FAM13C: variants seen among roughly 807,000 people sequenced by gnomAD.
The protein encoded by FAM13C is protein FAM13C.
A neutral mutation model predicts 73.2 loss-of-function variants in FAM13C; 37 were observed. The observed-to-expected ratio is 0.51, with a 90% CI of 0.39 to 0.67. FAM13C has a LOEUF of 0.67. Among genes scored for constraint, FAM13C ranks in the 30% least tolerant of loss-of-function variants. The pLI is 0.00. For missense variants in FAM13C, 589 were observed against 715.6 expected (o/e 0.82, Z 2.02); for synonymous variants, 246 against 260.9 (o/e 0.94, Z 0.55).
At chr10:59,306,448 A>C (rs1848261921) in intron 4 of FAM13C, among the ~76,000 whole-genome samples, 1 of 152,206 alleles carries the variant, frequency 6.6e-6, no homozygotes, top group Non-Finnish European at 1.5e-5. Context: ...TGGAAACAAT[A>C]ATAGACAATC....
rs115329046 is a variant in FAM13C, at chr10:59,290,149, C to G, written c.508-6702G>C. On this transcript the variant is annotated intron_variant, in intron 5 of 13. Transcript: ENST00000618804. ...TATGCTACTTGTTTTAGAAAATACT[C>G]TACTCATTTTCTCTCCTCTACAATT... Among the ~76,000 whole-genome samples the G allele has an allele frequency of 5.4e-3, 828 of 152,264 alleles. 9 individuals carry two copies. The highest frequency in any genetic ancestry group is 0.019 in the African/African-American group (792 of 41,546).
At chr10:59,296,174 T>A (rs939244390) in intron 5 of FAM13C, among the ~76,000 whole-genome samples, 2 of 152,164 alleles carry the variant, frequency 1.3e-5, no homozygotes, top group Non-Finnish European at 2.9e-5. Flanking sequence ...AAGAAACACA[T>A]CCTGAACAAA....
intron 4 of FAM13C, among the ~76,000 whole-genome samples, chr10:59,319,700 C>T (rs924524061): frequency 2.6e-5 from 4 of 152,162 alleles, no homozygotes; most frequent in Non-Finnish European, 4.4e-5. Flanking sequence ...GAAGAGAGAA[C>T]TTGAGCAAAT....
In FAM13C at chr10:59,324,227, G is replaced by A. The variant is rs1185614185; in HGVS notation, c.325-121C>T. The A allele has an allele frequency of 1.2e-5, 9 of 745,724 alleles. No individual in the cohort carries two copies. The East Asian group carries it at 2.4e-4, about 20-fold the overall frequency. 46.2% of individuals were successfully genotyped at this position (745,724 alleles called of 1,614,324 possible). A position where few individuals can be genotyped will look rare whatever the true frequency, so the allele number is the denominator to read the frequency against. On this transcript the variant is annotated intron_variant, in intron 3 of 13. Coordinates refer to ENST00000618804, the MANE Select transcript of FAM13C (RefSeq NM_198215.4). ...CAATGCATAACACATTCTGCTGATT[G>A]TAGTGTGGGAAGGGAGCCAATTCAC... is the stretch of plus-strand genomic sequence containing the variant.
intron 3 of FAM13C, among the ~76,000 whole-genome samples, chr10:59,343,861 C>T (rs1055584559): frequency 2.0e-4 from 31 of 152,006 alleles, no homozygotes; most frequent in Non-Finnish European, 3.8e-4. Flanking sequence ...CAGAGTTCAG[C>T]CTAGCCCACC....
At chr10:59,319,996 C>T (rs1410678926) in intron 4 of FAM13C, among the ~76,000 whole-genome samples, 1 of 152,152 alleles carries the variant, frequency 6.6e-6, no homozygotes, top group Non-Finnish European at 1.5e-5. Flanking sequence ...CTCCAGGGAG[C>T]TACAGAGTCC....
chr10:59,304,057 AG>A (rs2133874240), intron 4 of FAM13C, among the ~76,000 whole-genome samples: 1 of 152,296 alleles, frequency 6.6e-6, no homozygotes, highest in South Asian at 2.1e-4. Flanking sequence ...CTGAGGCACG[AG>A]AATTGCTTGA....
intron 3 of FAM13C, among the ~76,000 whole-genome samples, chr10:59,347,675 C>A (rs1199894832): frequency 1.3e-5 from 2 of 152,022 alleles, no homozygotes; most frequent in African/African-American, 4.8e-5. Flanking sequence ...TATCCCTCCC[C>A]TAGCCCCCCA....
In FAM13C at chr10:59,268,546, T is replaced by C. The variant is rs763827058; in HGVS notation, c.942+7A>G. On this transcript the variant is annotated splice_region_variant and intron_variant, in intron 8 of 13. Transcript: ENST00000618804. ...TCCGCTCCTATGTCAAACCCCAGGG[T>C]TCTTACCCGGTATTTCTTTTCTTGT... The C allele has an allele frequency of 1.2e-6, 2 of 1,613,420 alleles. No individual in the cohort carries two copies. The highest frequency in any genetic ancestry group is 1.7e-6 in the Non-Finnish European group (2 of 1,179,644).
chr10:59,283,557 A>G, intron 5 of FAM13C, 110 bp from the exon 6 acceptor site: 1 of 1,060,544 alleles, frequency 9.4e-7, no homozygotes, highest in Non-Finnish European at 1.5e-6. Context: ...GATGCCTAAC[A>G]CACAACAGTG....
Position 59,352,419 on chromosome 10 carries a change from C to T in FAM13C, c.175G>A (p.Ala59Thr), listed in dbSNP as rs1379864097. ...TGCTGCGGCTCCCAAGAGGGCGGCG[C>T]GTGCTCTTCTACCAGAGCCCCTGCG... Reference protein sequence around the residue: ...PDAGALVEEHAPPSWEPQQQN... With the variant: ...PDAGALVEEHTPPSWEPQQQN... Residue 59 changes from alanine to threonine, a missense_variant, in exon 3 of 14, where the codon GCG becomes ACG. Ala to Thr is a moderately conservative substitution (Grantham distance 58). Transcript: ENST00000618804. 1.2e-6 allele frequency: 2 copies of T among 1,613,658 alleles called. No individual in the cohort carries two copies. Among genetic ancestry groups the T allele is most frequent in the Non-Finnish European group, 1.7e-6 (2 of 1,179,970 alleles).
At chr10:59,327,057 G>A (rs961321351) in intron 3 of FAM13C, among the ~76,000 whole-genome samples, 3 of 152,010 alleles carry the variant, frequency 2.0e-5, no homozygotes, top group African/African-American at 7.2e-5. Context: ...TCAAAAATGA[G>A]AAAGGTGAAA....
intron 5 of FAM13C, among the ~76,000 whole-genome samples, chr10:59,294,138 T>C (rs1268004090): frequency 6.6e-6 from 1 of 152,230 alleles, no homozygotes; most frequent in African/African-American, 2.4e-5. Context: ...AAACTCACTA[T>C]ATTCATTGCT....
rs74150876 is a variant in FAM13C at position 59,356,424 on chromosome 10, G to T, written c.63-481C>A. ...AGGGGTTCCTTTTCATAAAACTTCC[G>T]GATTAACTTTATGAAAAATTCTTGT... On this transcript the variant is annotated intron_variant, in intron 1 of 13. Transcript: ENST00000618804. Among the ~76,000 whole-genome samples the T allele has an allele frequency of 3.3e-3, 506 of 152,090 alleles. 3 individuals are homozygous for T. Among genetic ancestry groups the T allele is most frequent in the African/African-American group, 0.011 (465 of 41,496 alleles).
chr10:59,322,756 T>C (rs1256844853), intron 4 of FAM13C, among the ~76,000 whole-genome samples: 2 of 152,216 alleles, frequency 1.3e-5, no homozygotes, highest in African/African-American at 4.8e-5. Context: ...AGAGAGACAG[T>C]CATCAGGCTG....
chr10:59,337,701 T>TA (rs2134150936), intron 3 of FAM13C, among the ~76,000 whole-genome samples: 1 of 105,646 alleles, frequency 9.5e-6, no homozygotes, highest in East Asian at 3.4e-4. Context: ...TTTTTTGAGA[T>TA]AGAGTTTCAT....
chr10:59,328,603 T>G (rs1851502108), intron 3 of FAM13C, among the ~76,000 whole-genome samples: 1 of 152,222 alleles, frequency 6.6e-6, no homozygotes, highest in Non-Finnish European at 1.5e-5. Context: ...GCCTCAAGGA[T>G]GTACACATCC....
chr10:59,305,140 C>T (rs2133885764), intron 4 of FAM13C, among the ~76,000 whole-genome samples: 1 of 152,308 alleles, frequency 6.6e-6, no homozygotes, highest in South Asian at 2.1e-4. Flanking sequence ...GACTAAGACA[C>T]ATGGCGAAGC....
intron 3 of FAM13C, among the ~76,000 whole-genome samples, chr10:59,329,308 A>G (rs1481829049): frequency 7.8e-6 from 1 of 128,402 alleles, no homozygotes; most frequent in Admixed American, 8.3e-5. Flanking sequence ...ATGTCCTCTG[A>G]TTCCATTTTT....
Sources: allele counts gnomAD v4.1 joint callset (sites outside exome capture counted in the v4.1 genomes callset), GRCh38; gene constraint gnomAD v4.1.1; transcripts MANE v1.5; gene names NCBI Gene and HGNC (gene_info 2026-07-23, HGNC 2026-07-21).